The following LY9 variants were observed in gnomAD, a reference collection of about 807,000 sequenced individuals.
LY9 encodes the protein lymphocyte antigen 9.
LY9 carries 59 observed loss-of-function variants against 64.6 expected under a neutral mutation model. That is an observed-to-expected ratio of 0.91 (90% CI 0.74 to 1.13). The LOEUF is 1.13. Among genes scored for constraint, LY9 ranks in the 50% most tolerant of loss-of-function variants. The pLI, the probability that LY9 is intolerant of heterozygous loss-of-function variation, is 0.00. For missense variants in LY9, 789 were observed against 797.2 expected, an observed-to-expected ratio of 0.99 and a Z score of 0.12; for synonymous variants, 281 against 308.5, an observed-to-expected ratio of 0.91 and a Z score of 0.93.
intron 9 of LY9, 195 bp downstream of exon 9, chr1:160,824,444 G>C (rs1668732090): frequency 1.0e-6 from 1 of 985,166 alleles, no homozygotes; most frequent in East Asian, 1.1e-4. Flanking sequence ...ACCAAAGGCT[G>C]AACATTTCTA....
At chr1:160,818,139 G>T in intron 5 of LY9, 79 bp from the exon 6 acceptor site, 1 of 871,464 alleles carries the variant, frequency 1.1e-6, no homozygotes, top group Admixed American at 2.0e-5. Flanking sequence ...AGGTAGGATG[G>T]CCATCATGTT....
chr1:160,814,003 G>A (rs1288345654), intron 3 of LY9, 92 bp downstream of exon 3: 1 of 1,376,776 alleles, frequency 7.3e-7, no homozygotes, highest in East Asian at 2.3e-5. Flanking sequence ...CAGACACACA[G>A]GGGGTGGGGA....
chr1:160,802,739 T>C (rs543969853), intron 2 of LY9: 2 of 884,136 alleles, frequency 2.3e-6, no homozygotes, highest in Admixed American at 6.2e-5. Context: ...AAGTATCTTT[T>C]CTCCCCAGTG....
intron 2 of LY9, chr1:160,802,416 A>G: frequency 1.0e-6 from 1 of 985,758 alleles, no homozygotes; most frequent in Non-Finnish European, 1.2e-6. Flanking sequence ...GTCACCGGCC[A>G]CTCCCCGAGG....
At chr1:160,798,107 A>G (rs1666069732) in intron 1 of LY9, among the ~76,000 whole-genome samples, 1 of 152,222 alleles carries the variant, frequency 6.6e-6, no homozygotes, top group Non-Finnish European at 1.5e-5. Flanking sequence ...TGTCTTCTGC[A>G]ACAAGATTTG....
chr1:160,798,152 G>A (rs777631213), intron 1 of LY9, among the ~76,000 whole-genome samples: 1 of 152,142 alleles, frequency 6.6e-6, no homozygotes, highest in Non-Finnish European at 1.5e-5. Flanking sequence ...CCTCCACTGA[G>A]AGTCTGTGAG....
rs971996949 is a variant in LY9, at chr1:160,796,528, G to T, written c.124+217G>T. Reference sequence around the variant, plus strand: ...CTACCTCAGCCTCTTGAGTAGCTGGGATTACAGGTGCATGCCAACACACCC... The same window carrying T: ...CTACCTCAGCCTCTTGAGTAGCTGGTATTACAGGTGCATGCCAACACACCC... On this transcript the variant is annotated intron_variant, in intron 1 of 9. Coordinates refer to ENST00000263285, the MANE Select transcript of LY9 (RefSeq NM_002348.4). 3.9e-5 allele frequency among the ~76,000 whole-genome samples: 6 copies of T among 152,082 alleles called. No individual in the cohort carries two copies. The East Asian group carries it at 1.2e-3, about 29-fold the overall frequency.
Position 160,816,818 on chromosome 1 carries a change from G to C in LY9, c.1297G>C (p.Val433Leu), listed in dbSNP as rs1667993054. 1.2e-6 allele frequency: 2 copies of C among 1,614,122 alleles called. No homozygotes were observed. The highest frequency in any genetic ancestry group is 8.5e-7 in the Non-Finnish European group (1 of 1,180,052). Residue 433 changes from valine to leucine, a missense_variant, in exon 5 of 10, where the codon GTC becomes CTC. Coordinates refer to ENST00000263285, the MANE Select transcript of LY9 (RefSeq NM_002348.4). ...CCTCACATGCACAGCCAGCAACCCT[G>C]TCAGCAGGAGTTCCCACCAGTTTCT... ...PNLTCTASNP[V>L]SRSSHQFLSE...
At chr1:160,815,915 G>C (rs1020529761) in intron 4 of LY9, among the ~76,000 whole-genome samples, 3 of 152,188 alleles carry the variant, frequency 2.0e-5, no homozygotes, top group African/African-American at 7.2e-5. Context: ...ATGTTTACCT[G>C]TTCCTTCACT....
rs1398090218 is a variant in LY9, at chr1:160,824,250, G to A, written c.1899+1G>A. ...CTACTGCTCCATACGGAAACCTCAGGTGGTGAGAACTACATTCTCTGTATC... is the reference window on the plus strand; with the variant it reads ...CTACTGCTCCATACGGAAACCTCAGATGGTGAGAACTACATTCTCTGTATC... On this transcript the variant is annotated splice_donor_variant, in intron 9 of 9. Transcript: ENST00000263285. LOFTEE classifies it high-confidence loss of function. 1.2e-6 allele frequency: 2 copies of A among 1,614,114 alleles called. No homozygotes were observed. The highest frequency in any genetic ancestry group is 1.3e-5 in the African/African-American group (1 of 75,038).
intron 5 of LY9, among the ~76,000 whole-genome samples, chr1:160,817,411 C>CTAG (rs1668043134): frequency 6.6e-6 from 1 of 152,182 alleles, no homozygotes; most frequent in African/African-American, 2.4e-5. Flanking sequence ...CTCAGTAATA[C>CTAG]TAGCCACACT....
chr1:160,827,054 T>C (rs1668890683), intron 9 of LY9, among the ~76,000 whole-genome samples: 1 of 152,218 alleles, frequency 6.6e-6, no homozygotes, highest in African/African-American at 2.4e-5. Context: ...TGAGCCAAAC[T>C]CTTGACAACT....
At position 160,814,529 on chromosome 1, in the gene LY9, T is replaced by C. The variant is rs1209111168; in HGVS notation, c.840T>C (p.Val280=). The change falls in exon 4 of 10, where the codon GTT becomes GTC. Residue 280 remains valine (V), a synonymous_variant. Transcript: ENST00000263285. The part of the protein sequence containing the change: ...ALPACRDTEK[V]VWLFNTSIIS... ...CAGCCTGCCGGGACACAGAGAAGGTTGTCTGGTTGTTTAACACATCCATCA... is the reference window on the plus strand; with the variant it reads ...CAGCCTGCCGGGACACAGAGAAGGTCGTCTGGTTGTTTAACACATCCATCA... 6.2e-7 allele frequency: 1 copy of C among 1,614,100 alleles called. No homozygotes were observed. The highest frequency in any genetic ancestry group is 8.5e-7 in the Non-Finnish European group (1 of 1,180,002).
intron 2 of LY9, chr1:160,812,434 A>T (rs552614901): frequency 1.6e-4 from 24 of 152,038 alleles, no homozygotes; most frequent in African/African-American, 5.8e-4. Flanking sequence ...CTATCAGATA[A>T]TTTGACCGTT....
chr1:160,797,874 C>CAA (rs1480014153), intron 1 of LY9, among the ~76,000 whole-genome samples: 6 of 152,024 alleles, frequency 3.9e-5, no homozygotes, highest in Non-Finnish European at 8.8e-5. Flanking sequence ...CACACACACA[C>CAA]ACACACACAC....
In LY9 at chr1:160,823,704, C is replaced by A; in HGVS notation, c.1738C>A (p.Gln580Lys). ...GAGHDPAPEG[Q>K]ADYDPVTPYV... is the part of the protein sequence containing the mutation. Reference sequence around the variant, plus strand: ...TGGACATGACCCAGCCCCTGAGGGCCAAGCAGACTATGATCCCGTCACTCC... The same window carrying A: ...TGGACATGACCCAGCCCCTGAGGGCAAAGCAGACTATGATCCCGTCACTCC... The change falls in exon 8 of 10, where the codon CAA becomes AAA. Residue 580 changes from glutamine (Q) to lysine (K), a missense_variant. Transcript: ENST00000263285. The A allele has an allele frequency of 6.2e-7, 1 of 1,614,148 alleles. No individual in the cohort carries two copies. Among genetic ancestry groups the A allele is most frequent in the South Asian group, 1.1e-5 (1 of 91,074 alleles).
At chr1:160,808,807 T>A (rs1214424978) in intron 2 of LY9, among the ~76,000 whole-genome samples, 1 of 152,244 alleles carries the variant, frequency 6.6e-6, no homozygotes, top group Non-Finnish European at 1.5e-5. Flanking sequence ...GTCAGCCATT[T>A]CGAAGCCCCT....
intron 9 of LY9, among the ~76,000 whole-genome samples, chr1:160,825,204 T>A (rs1414763050): frequency 6.7e-6 from 1 of 148,798 alleles, no homozygotes; most frequent in East Asian, 1.9e-4. Context: ...TGAGACCATG[T>A]CTTAAAAAAA....
At position 160,807,557 on chromosome 1, in the gene LY9, G is replaced by A. The variant is rs553996307; in HGVS notation, c.455-6079G>A. Among the ~76,000 whole-genome samples, 21 of 152,266 alleles carry A rather than the reference G, an allele frequency of 1.4e-4. No homozygotes were observed. The South Asian group carries it at 1.9e-3, about 14-fold the overall frequency. On this transcript the variant is annotated intron_variant, in intron 2 of 9. Transcript: ENST00000263285. ...TCTCCAGGTGGCTTGCTCAGATACC[G>A]ATAATGGCAGCAGTGGACTGAAGGG...
Sources: gnomAD v4.1 joint callset for allele counts (sites outside exome capture counted in the v4.1 genomes callset) on GRCh38, gnomAD v4.1.1 for gene constraint, MANE v1.5 for transcripts, NCBI Gene and HGNC (gene_info 2026-07-23, HGNC 2026-07-21) for gene names.